CCDC102B: variants seen among roughly 807,000 people sequenced by gnomAD.
CCDC102B encodes the protein coiled-coil domain containing 102B.
CCDC102B carries 75 observed loss-of-function variants against 57.4 expected under a neutral mutation model. The ratio of observed to expected loss-of-function variants is 1.31; its 90% CI spans 1.08 to 1.58. CCDC102B has a LOEUF of 1.58. Ranked by LOEUF, CCDC102B falls within the 40% of genes most tolerant of loss-of-function variation. The pLI, the probability that CCDC102B is intolerant of heterozygous loss-of-function variation, is 0.00. For missense variants in CCDC102B, 636 were observed against 582.6 expected, an observed-to-expected ratio of 1.09 and a Z score of -0.94; for synonymous variants, 206 against 201.9, an observed-to-expected ratio of 1.02 and a Z score of -0.17.
chr18:68,973,978 C>A, intron 6 of CCDC102B, among the ~76,000 whole-genome samples: 1 of 152,028 alleles, frequency 6.6e-6, no homozygotes, highest in East Asian at 1.9e-4. Flanking sequence ...CAAAGCTGAG[C>A]CACTCTCTAT....
chr18:68,805,074 A>G (rs2035985143), intron 1 of CCDC102B, among the ~76,000 whole-genome samples: 1 of 152,182 alleles, frequency 6.6e-6, no homozygotes, highest in Non-Finnish European at 1.5e-5. Context: ...AAAAACAGAC[A>G]GAATAACATA....
intron 6 of CCDC102B, among the ~76,000 whole-genome samples, chr18:68,979,388 A>G (rs566423505): frequency 6.6e-6 from 1 of 152,118 alleles, no homozygotes; most frequent in South Asian, 2.1e-4. Context: ...ACAAAATAGA[A>G]ACTCTCTAGT....
At chr18:68,798,728 G>C (rs2035725167) in intron 1 of CCDC102B, among the ~76,000 whole-genome samples, 1 of 151,980 alleles carries the variant, frequency 6.6e-6, no homozygotes, top group African/African-American at 2.4e-5. Flanking sequence ...CATGCTACCT[G>C]TATAGTGTGG....
At position 68,889,298 on chromosome 18, in the gene CCDC102B, T is replaced by C. The variant is rs146777458; in HGVS notation, c.1054-7921T>C. ...GTGCTAGCTGGCTCCTTCCAACACG[T>C]GAAGACACATGGAGAATACATCTGT... On this transcript the variant is annotated intron_variant, in intron 5 of 7. Transcript: ENST00000360242. Among the ~76,000 whole-genome samples the C allele has an allele frequency of 5.3e-5, 8 of 152,336 alleles. No individual in the cohort carries two copies. The East Asian group carries it at 1.5e-3, about 29-fold the overall frequency.
chr18:69,054,144 C>A lies in CCDC102B; in HGVS notation c.*7C>A. 1.3e-6 allele frequency: 2 copies of A among 1,587,818 alleles called. No homozygotes were observed. Among genetic ancestry groups the A allele is most frequent in the Non-Finnish European group, 1.7e-6 (2 of 1,170,996 alleles). On this transcript the variant is annotated 3_prime_UTR_variant, in exon 8 of 8. Coordinates refer to ENST00000360242, the MANE Select transcript of CCDC102B (RefSeq NM_024781.3). ...GCACTTGCAAAACTGGTAATTTTTT[C>A]ACAAAATATGCTGAATTAAAGATTA...
At chr18:68,774,721 T>C (rs2034752126) in intron 2 of CCDC102B, among the ~76,000 whole-genome samples, 1 of 152,068 alleles carries the variant, frequency 6.6e-6, no homozygotes, top group Non-Finnish European at 1.5e-5. Context: ...ATTTTAGAGA[T>C]TGATTTATTT....
intron 6 of CCDC102B, among the ~76,000 whole-genome samples, chr18:68,962,613 A>C (rs370368791): frequency 6.6e-6 from 1 of 152,076 alleles, no homozygotes; most frequent in East Asian, 1.9e-4. Context: ...GTGGCATTGC[A>C]TATGTAGTAG....
rs374892818 is a variant in CCDC102B, at chr18:68,836,842, G to A, written c.79G>A (p.Gly27Ser). Residue 27 changes from glycine to serine, a missense_variant, in exon 2 of 8, where the codon GGC becomes AGC. Coordinates refer to ENST00000360242, the MANE Select transcript of CCDC102B (RefSeq NM_024781.3). Reference sequence around the variant, plus strand: ...GCAACAATCATCAATTAAGTCACGCGGCGACATGGTGGCACCTGCCTCACC... The same window carrying A: ...GCAACAATCATCAATTAAGTCACGCAGCGACATGGTGGCACCTGCCTCACC... The part of the protein sequence containing the change: ...QMQQSSIKSR[G>S]DMVAPASPPR... 1.1e-5 allele frequency: 17 copies of A among 1,613,768 alleles called. No homozygotes were observed. Among genetic ancestry groups the A allele is most frequent in the African/African-American group, 6.7e-5 (5 of 74,808 alleles).
At chr18:69,003,573 T>C (rs1460642581) in intron 6 of CCDC102B, among the ~76,000 whole-genome samples, 1 of 152,158 alleles carries the variant, frequency 6.6e-6, no homozygotes, top group Non-Finnish European at 1.5e-5. Flanking sequence ...ATTTGCTGAG[T>C]TGCTTGGTCT....
chr18:68,740,244 A>T (rs1275593379), intron 2 of CCDC102B, among the ~76,000 whole-genome samples: 1 of 152,188 alleles, frequency 6.6e-6, no homozygotes, highest in Non-Finnish European at 1.5e-5. Context: ...CCAGTTAAGA[A>T]CCACTTGTTA....
chr18:68,737,242 G>A (rs1054923554), intron 2 of CCDC102B, among the ~76,000 whole-genome samples: 3 of 152,058 alleles, frequency 2.0e-5, no homozygotes, highest in Non-Finnish European at 4.4e-5. Flanking sequence ...CCCTGGGGAC[G>A]CTCATGTACA....
chr18:68,846,248 T>C, intron 3 of CCDC102B, 65 bp from the exon 4 acceptor site: 3 of 960,860 alleles, frequency 3.1e-6, no homozygotes, highest in Non-Finnish European at 2.9e-6. Context: ...TAAAATTGAA[T>C]GCATCCTTGA....
chr18:68,991,519 A>G (rs2050866845), intron 6 of CCDC102B, among the ~76,000 whole-genome samples: 1 of 152,202 alleles, frequency 6.6e-6, no homozygotes, highest in South Asian at 2.1e-4. Flanking sequence ...CCCACTGAGT[A>G]TGAGTCACTT....
downstream of CCDC102B, among the ~76,000 whole-genome samples, chr18:69,057,547 C>T (rs578226025): frequency 6.6e-6 from 1 of 152,076 alleles, no homozygotes; most frequent in African/African-American, 2.4e-5. Context: ...TATTGGCTTT[C>T]AGGAGGATTG....
At chr18:68,832,524 T>C (rs1462873103) in intron 1 of CCDC102B, among the ~76,000 whole-genome samples, 1 of 152,122 alleles carries the variant, frequency 6.6e-6, no homozygotes, top group Admixed American at 6.5e-5. Flanking sequence ...TTGTTTTGTT[T>C]TAGGCTTTCA....
At chr18:68,882,780 C>T (rs574881657) in intron 5 of CCDC102B, among the ~76,000 whole-genome samples, 45 of 152,270 alleles carry the variant, frequency 3.0e-4, no homozygotes, top group Non-Finnish European at 6.0e-4. Context: ...ACTTTCTCTT[C>T]GATCCCAGAG....
At chr18:68,797,873 C>T (rs1344630755), upstream of CCDC102B, among the ~76,000 whole-genome samples, 8 of 147,260 alleles carry the variant, frequency 5.4e-5, no homozygotes, top group Non-Finnish European at 1.2e-4. Context: ...TTTTCTTTTT[C>T]ATCCACAGTA....
chr18:68,986,184 G>C (rs1166906463), intron 6 of CCDC102B, among the ~76,000 whole-genome samples: 1 of 151,986 alleles, frequency 6.6e-6, no homozygotes, highest in Non-Finnish European at 1.5e-5. Flanking sequence ...ACCAAAATCT[G>C]GTAGAGATAC....
chr18:69,001,908 A>G (rs1164523671), intron 6 of CCDC102B, among the ~76,000 whole-genome samples: 1 of 152,154 alleles, frequency 6.6e-6, no homozygotes, highest in East Asian at 1.9e-4. Context: ...CTAATTTTAC[A>G]TATATTTTCC....
Sources: allele counts gnomAD v4.1 joint callset (sites outside exome capture counted in the v4.1 genomes callset), GRCh38; gene constraint gnomAD v4.1.1; transcripts MANE v1.5; gene names NCBI Gene and HGNC (gene_info 2026-07-23, HGNC 2026-07-21).